Variants in ARHGEF38 observed in about 807,000 individuals in gnomAD.
ARHGEF38 encodes Rho guanine nucleotide exchange factor 38, also known as Rho guanine nucleotide exchange factor (GEF) 38.
ARHGEF38 carries 79 observed loss-of-function variants against 79.9 expected under a neutral mutation model. That is an observed-to-expected ratio of 0.99 (90% confidence interval 0.82 to 1.19). The LOEUF is 1.19. Among genes scored for constraint, ARHGEF38 ranks in the 50% most tolerant of loss-of-function variants. The pLI is 0.00. For synonymous variants in ARHGEF38, 366 were observed against 328.3 expected (o/e 1.11, Z -1.24); for missense variants, 962 against 907.2 (o/e 1.06, Z -0.78).
At chr4:105,681,656 A>G (rs770394436), downstream of ARHGEF38, among the ~76,000 whole-genome samples, 2 of 152,182 alleles carry the variant, frequency 1.3e-5, no homozygotes, top group Non-Finnish European at 2.9e-5. Context: ...TAACCCACTT[A>G]TGCCTAGTGT....
intron 5 of ARHGEF38, among the ~76,000 whole-genome samples, chr4:105,642,224 A>G (rs1369340980): frequency 6.6e-6 from 1 of 152,052 alleles, no homozygotes; most frequent in Non-Finnish European, 1.5e-5. Flanking sequence ...CTTTTCTACG[A>G]TATTGCTTGT....
Position 105,552,843 on chromosome 4 carries a change from C to T in ARHGEF38, c.78C>T (p.Leu26=), listed in dbSNP as rs778960894. Residue 26 remains leucine, a synonymous_variant, in exon 1 of 14, where the codon CTC becomes CTT. Coordinates refer to ENST00000420470, the MANE Select transcript of ARHGEF38 (RefSeq NM_001242729.2). ...ATCTGGCCTTCTTGAGGTCTAGACT[C>T]TATATGCTGGAGAGAAGGAAGACTG... is the stretch of plus-strand genomic sequence containing the variant. ...KKNLAFLRSR[L]YMLERRKTDT... 21 of 1,613,884 alleles carry T rather than the reference C, an allele frequency of 1.3e-5. No homozygotes were observed. Among genetic ancestry groups the T allele is most frequent in the Non-Finnish European group, 1.8e-5 (21 of 1,179,842 alleles).
intron 7 of ARHGEF38, among the ~76,000 whole-genome samples, chr4:105,653,057 G>C (rs895267800): frequency 2.6e-5 from 4 of 152,072 alleles, no homozygotes; most frequent in African/African-American, 9.7e-5. Context: ...GGATGAGGCT[G>C]GTTCCGATCT....
Position 105,600,516 on chromosome 4 carries a change from G to T in ARHGEF38, c.384+11081G>T, listed in dbSNP as rs532803836. On this transcript the variant is annotated intron_variant, in intron 2 of 13. Coordinates refer to ENST00000420470, the MANE Select transcript of ARHGEF38 (RefSeq NM_001242729.2). ...AAACACTAAAGTAATTGAGGGCTCC[G>T]CCTGTGGTCCTCTTCTCTCTTTTGT... Among the ~76,000 whole-genome samples, 7 of 152,238 alleles carry T rather than the reference G, an allele frequency of 4.6e-5. No individual in the cohort carries two copies. In the South Asian group the frequency reaches 1.5e-3, roughly 32 times the overall value.
At chr4:105,665,480 A>T (rs964705309) in intron 10 of ARHGEF38, among the ~76,000 whole-genome samples, 5 of 151,956 alleles carry the variant, frequency 3.3e-5, no homozygotes, top group African/African-American at 1.2e-4. Context: ...CTGAAAAAAA[A>T]AATTTTTTTT....
intron 9 of ARHGEF38, among the ~76,000 whole-genome samples, chr4:105,658,328 G>C (rs947300235): frequency 6.6e-6 from 1 of 152,052 alleles, no homozygotes; most frequent in African/African-American, 2.4e-5. Context: ...AGGATGGCTT[G>C]AGCAGAGGCT....
At chr4:105,631,665 AC>A (rs1174341060) in intron 4 of ARHGEF38, 1 of 982,104 alleles carries the variant, frequency 1.0e-6, no homozygotes, top group African/African-American at 1.8e-5. Flanking sequence ...TAAGATAAAA[AC>A]CCCTTGCTAT....
intron 3 of ARHGEF38, among the ~76,000 whole-genome samples, chr4:105,621,247 G>C (rs553105155): frequency 6.6e-6 from 1 of 152,196 alleles, no homozygotes; most frequent in Non-Finnish European, 1.5e-5. Context: ...AAAAATGGCT[G>C]TTGTTTCAAG....
intron 3 of ARHGEF38, among the ~76,000 whole-genome samples, chr4:105,626,487 A>G (rs1019305760): frequency 2.0e-5 from 3 of 152,238 alleles, no homozygotes; most frequent in Non-Finnish European, 2.9e-5. Context: ...TAAGGAACAG[A>G]TAAGTAACTT....
At chr4:105,644,354 T>C (rs1223539198) in intron 5 of ARHGEF38, among the ~76,000 whole-genome samples, 1 of 152,240 alleles carries the variant, frequency 6.6e-6, no homozygotes, top group East Asian at 1.9e-4. Flanking sequence ...TGTATCTTTA[T>C]TGGTCTCTGC....
intron 2 of ARHGEF38, among the ~76,000 whole-genome samples, chr4:105,607,898 A>G (rs1397261469): frequency 6.6e-6 from 1 of 152,060 alleles, no homozygotes; most frequent in African/African-American, 2.4e-5. Flanking sequence ...TTTCACAGAC[A>G]AGTTCTCCAC....
chr4:105,638,218 T>A (rs1729477719), intron 5 of ARHGEF38, among the ~76,000 whole-genome samples: 1 of 152,124 alleles, frequency 6.6e-6, no homozygotes, highest in African/African-American at 2.4e-5. Flanking sequence ...ATCCGTTTTT[T>A]AGGTTTTTTT....
intron 2 of ARHGEF38, among the ~76,000 whole-genome samples, chr4:105,599,673 A>G (rs560545281): frequency 6.6e-6 from 1 of 152,318 alleles, no homozygotes; most frequent in African/African-American, 2.4e-5. Flanking sequence ...AGGTCAAAAT[A>G]GCCATGCATA....
Position 105,679,240 on chromosome 4 carries a change from A to G in ARHGEF38, c.*1303A>G, listed in dbSNP as rs1731226467. 8 of 678,244 alleles carry G rather than the reference A, an allele frequency of 1.2e-5. No homozygotes were observed. In the South Asian group the frequency reaches 1.5e-4, roughly 12 times the overall value. The allele number at this position is 678,244 out of a possible 1,614,324, so 42.0% of individuals were successfully genotyped here. ...GGAATTAAAAGATGTTTCCATCATA[A>G]TATTCTTTAATTTCAGGTAATTTAG... On this transcript the variant is annotated 3_prime_UTR_variant, in exon 14 of 14. Transcript: ENST00000420470.
At chr4:105,598,962 T>C (rs1578296398) in intron 2 of ARHGEF38, among the ~76,000 whole-genome samples, 1 of 152,220 alleles carries the variant, frequency 6.6e-6, no homozygotes, top group Admixed American at 6.5e-5. Flanking sequence ...AACTGGCCTC[T>C]TTCTCAAGTA....
In ARHGEF38 at chr4:105,648,662, C is replaced by A; in HGVS notation, c.988C>A (p.Leu330Met). The change falls in exon 7 of 14, where the codon CTG (leucine) becomes ATG (methionine). Residue 330 changes from leucine (L) to methionine (M), a missense_variant. Transcript: ENST00000420470. ...AAGAGTGACAAATCATCTGAAGATT[C>A]TGACCAGAGGAGAATCACAGGTAAT... Reference protein sequence around the residue: ...SKRVTNHLKILTRGESQVKDN... With the variant: ...SKRVTNHLKIMTRGESQVKDN... 6.5e-7 allele frequency: 1 copy of A among 1,529,912 alleles called. No homozygotes were observed. Among genetic ancestry groups the A allele is most frequent in the South Asian group, 1.2e-5 (1 of 82,982 alleles). 94.8% of individuals were successfully genotyped at this position (1,529,912 alleles called of 1,614,324 possible).
chr4:105,634,876 C>G (rs1729337807), intron 4 of ARHGEF38, among the ~76,000 whole-genome samples: 2 of 152,116 alleles, frequency 1.3e-5, no homozygotes, highest in African/African-American at 4.8e-5. Flanking sequence ...CACATTACTC[C>G]TGGAGCTTCT....
intron 2 of ARHGEF38, among the ~76,000 whole-genome samples, chr4:105,593,885 C>G (rs968186511): frequency 6.6e-6 from 1 of 152,128 alleles, no homozygotes; most frequent in Non-Finnish European, 1.5e-5. Context: ...CATTTATGGT[C>G]GTTTATTTGG....
chr4:105,658,823 T>C (rs1023134076), intron 9 of ARHGEF38, among the ~76,000 whole-genome samples: 1 of 152,220 alleles, frequency 6.6e-6, no homozygotes, highest in Non-Finnish European at 1.5e-5. Flanking sequence ...TTTGTATTCC[T>C]CTTCCTGCTC....
Sources: gnomAD v4.1 joint callset for allele counts (sites outside exome capture counted in the v4.1 genomes callset) on GRCh38, gnomAD v4.1.1 for gene constraint, MANE v1.5 for transcripts, NCBI Gene and HGNC (gene_info 2026-07-23, HGNC 2026-07-21) for gene names.